The following TAF12 variants were observed in gnomAD, a reference collection of about 807,000 sequenced individuals.
The protein encoded by TAF12 is transcription initiation factor TFIID subunit 12.
Under a neutral mutation model 20.8 loss-of-function variants are expected in TAF12, and 3 were observed. That is an observed-to-expected ratio of 0.14 (90% confidence interval 0.07 to 0.37). TAF12 has a LOEUF of 0.37. Among genes scored for constraint, TAF12 ranks in the 10% least tolerant of loss-of-function variants. The probability of loss-of-function intolerance (pLI) is 1.00; values close to 1 mark genes in which losing one functional copy is unlikely to be tolerated. For missense variants in TAF12, 131 were observed against 197.9 expected (o/e 0.66, Z 2.03); for synonymous variants, 69 against 70.2 (o/e 0.98, Z 0.09).
upstream of TAF12, among the ~76,000 whole-genome samples, chr1:28,643,874 A>AC (rs1349544899): frequency 6.6e-5 from 10 of 151,858 alleles, no homozygotes; most frequent in Admixed American, 4.6e-4. Flanking sequence ...AGATGGTGAA[A>AC]CCCCGTCTCT....
Position 28,629,643 on chromosome 1 carries a change from TTTTG to T in TAF12, c.-84-7482_-84-7479del, listed in dbSNP as rs201330057. Reference sequence around the variant, plus strand: ...GAGCCACTGCAACAGGCCTTGGGTTTTTTGTTTGTTTGTTTGCAGAGATAGGTCT... The same window carrying T: ...GAGCCACTGCAACAGGCCTTGGGTTTTTTGTTTGTTTGCAGAGATAGGTCT... On this transcript the variant is annotated intron_variant, in intron 1 of 5. Transcript: ENST00000373824. Among the ~76,000 whole-genome samples the T allele has an allele frequency of 1.2e-3, 178 of 152,112 alleles. 1 individual carries two copies. Among genetic ancestry groups the T allele is most frequent in the Middle Eastern group, 3.4e-3 (1 of 290 alleles).
chr1:28,615,124 A>T (rs575977357), intron 3 of TAF12, among the ~76,000 whole-genome samples: 117 of 151,798 alleles, frequency 7.7e-4, no homozygotes, highest in East Asian at 5.2e-3. Context: ...TAAATAAATA[A>T]ATATATATAT....
At chr1:28,605,859 G>A (rs1322385588) in intron 4 of TAF12, among the ~76,000 whole-genome samples, 2 of 152,142 alleles carry the variant, frequency 1.3e-5, no homozygotes, top group East Asian at 3.9e-4. Flanking sequence ...GGAGTGCAAT[G>A]GCGCAATCTC....
At chr1:28,608,098 A>G (rs1666726998) in intron 4 of TAF12, among the ~76,000 whole-genome samples, 1 of 151,626 alleles carries the variant, frequency 6.6e-6, no homozygotes, top group Admixed American at 6.6e-5. Flanking sequence ...TTGGGAGACC[A>G]AGGCTGGTGG....
chr1:28,619,787 C>A (rs939946879), intron 2 of TAF12, among the ~76,000 whole-genome samples: 12 of 151,280 alleles, frequency 7.9e-5, no homozygotes, highest in African/African-American at 2.9e-4. Flanking sequence ...CCTGTCTCTA[C>A]TGAAAATACA....
At chr1:28,606,965 G>C (rs1666687092) in intron 4 of TAF12, among the ~76,000 whole-genome samples, 1 of 152,214 alleles carries the variant, frequency 6.6e-6, no homozygotes, top group Non-Finnish European at 1.5e-5. Flanking sequence ...TATGGATATA[G>C]AGAGAAGTAT....
At position 28,642,772 on chromosome 1, in the gene TAF12, C is replaced by A. The variant is rs1188070429; in HGVS notation, c.-85+220G>T. On this transcript the variant is annotated intron_variant, in intron 1 of 5. Transcript: ENST00000373824. ...TTTCCCTCAGATGCCGGAGAACTCG[C>A]ATCCGTCCCCGTTCCCTAAGTCCCG... is the stretch of plus-strand genomic sequence containing the variant. 4.1e-6 allele frequency: 4 copies of A among 985,210 alleles called. No individual in the cohort carries two copies. In the Admixed American group the frequency reaches 2.5e-4, roughly 61 times the overall value. The allele number at this position is 985,210 out of a possible 1,614,324, so 61.0% of individuals were successfully genotyped here.
At chr1:28,647,103 G>C (rs1668211791), upstream of TAF12, among the ~76,000 whole-genome samples, 1 of 152,002 alleles carries the variant, frequency 6.6e-6, no homozygotes, top group South Asian at 2.1e-4. Context: ...CAAAGTGCTG[G>C]GATTACAGGC....
intron 2 of TAF12, among the ~76,000 whole-genome samples, chr1:28,618,534 ATTTTT>A (rs968347496): frequency 2.4e-5 from 3 of 125,702 alleles, no homozygotes; most frequent in Admixed American, 8.1e-5. Context: ...TACCTGGCTA[ATTTTT>A]TTTTTTTTTT....
intron 4 of TAF12, among the ~76,000 whole-genome samples, chr1:28,609,295 C>T (rs1180294594): frequency 2.6e-5 from 4 of 151,922 alleles, no homozygotes; most frequent in Non-Finnish European, 5.9e-5. Flanking sequence ...AGGCTGGTCT[C>T]GAACTCCTGA....
chr1:28,625,848 A>AT (rs548832720), intron 1 of TAF12, among the ~76,000 whole-genome samples: 115 of 145,838 alleles, frequency 7.9e-4, no homozygotes, highest in African/African-American at 2.3e-3. Flanking sequence ...GCCCCAGCTA[A>AT]TTTTTTTTTT....
chr1:28,620,413 G>A (rs1490824109), intron 2 of TAF12, among the ~76,000 whole-genome samples: 3 of 139,042 alleles, frequency 2.2e-5, no homozygotes, highest in Admixed American at 7.2e-5. Flanking sequence ...GATTACAGGC[G>A]TGAGCTACCG....
rs1204639909 is a variant in TAF12, at chr1:28,633,500, G to GCT, written c.-85+9491_-85+9492insAG. On this transcript the variant is annotated intron_variant, in intron 1 of 5. Transcript: ENST00000373824. Reference sequence around the variant, plus strand: ...AATTTTAAAAAGTAAAACAGGGCCAGGTGCAGTGGCTCATGCCTGTAATCC... The same window carrying GCT: ...AATTTTAAAAAGTAAAACAGGGCCAGCTGTGCAGTGGCTCATGCCTGTAATCC... 3.2e-4 allele frequency among the ~76,000 whole-genome samples: 48 copies of GCT among 151,276 alleles called. No homozygotes were observed. The East Asian group carries it at 9.4e-3, about 30-fold the overall frequency.
At chr1:28,631,212 C>T (rs1667607764) in intron 1 of TAF12, among the ~76,000 whole-genome samples, 1 of 150,712 alleles carries the variant, frequency 6.6e-6, no homozygotes, top group Non-Finnish European at 1.5e-5. Context: ...AAGAAAATAA[C>T]AACCCAATTT....
At chr1:28,622,215 G>A in intron 1 of TAF12, 50 bp from the exon 2 acceptor site, 1 of 1,419,452 alleles carries the variant, frequency 7.0e-7, no homozygotes, top group Non-Finnish European at 9.2e-7. Flanking sequence ...TGTAATAAAG[G>A]ATGAATCTTG....
At chr1:28,606,068 G>A (rs1302764434) in intron 4 of TAF12, among the ~76,000 whole-genome samples, 1 of 151,848 alleles carries the variant, frequency 6.6e-6, no homozygotes, top group African/African-American at 2.4e-5. Context: ...GTGCGATCTC[G>A]GCTCACTGAA....
chr1:28,603,610 C>T (rs1240305029), intron 5 of TAF12, 36 bp from the exon 6 acceptor site: 2 of 1,611,598 alleles, frequency 1.2e-6, no homozygotes, highest in Non-Finnish European at 1.7e-6. Context: ...TATACAGCAG[C>T]AGCTGGAGTC....
chr1:28,643,160 C>T, upstream of TAF12: 2 of 966,060 alleles, frequency 2.1e-6, no homozygotes, highest in Non-Finnish European at 2.5e-6. Context: ...GCCTCGCTTG[C>T]GCAGGCGCAG....
At chr1:28,628,474 G>A (rs918347348) in intron 1 of TAF12, among the ~76,000 whole-genome samples, 1 of 151,976 alleles carries the variant, frequency 6.6e-6, no homozygotes, top group Non-Finnish European at 1.5e-5. Flanking sequence ...ATTAGTTGTT[G>A]CCTATGGCCA....
Sources: gnomAD v4.1 joint callset for allele counts (sites outside exome capture counted in the v4.1 genomes callset) on GRCh38, gnomAD v4.1.1 for gene constraint, MANE v1.5 for transcripts, NCBI Gene and HGNC (gene_info 2026-07-23, HGNC 2026-07-21) for gene names.